Variants in PTPRT observed in about 807,000 individuals in gnomAD.
PTPRT encodes receptor-type tyrosine-protein phosphatase T.
PTPRT carries 56 observed loss-of-function variants against 176.8 expected under a neutral mutation model. The observed-to-expected ratio is 0.32, with a 90% CI of 0.26 to 0.40. The LOEUF (loss-of-function observed/expected upper bound fraction) is 0.40, where lower values mean the gene tolerates loss of function less well. PTPRT is among the 10% of genes least tolerant of loss of function. The pLI, the probability that PTPRT is intolerant of heterozygous loss-of-function variation, is 1.00. For synonymous variants in PTPRT, 783 were observed against 739.0 expected (o/e 1.06, Z -0.96); for missense variants, 1,540 against 1,908.2 (o/e 0.81, Z 3.60).
chr20:42,044,423 A>G, the PTPRT span, among the ~76,000 whole-genome samples: 1 of 152,350 alleles, frequency 6.6e-6, no homozygotes, highest in Middle Eastern at 3.4e-3. Flanking sequence ...GATTCCAGAC[A>G]CACACCAATC....
intron 18 of PTPRT, among the ~76,000 whole-genome samples, chr20:42,132,142 G>T (rs1487396489): frequency 6.6e-6 from 1 of 152,172 alleles, no homozygotes; most frequent in Non-Finnish European, 1.5e-5. Flanking sequence ...TTATTATGAT[G>T]TAACCAAAAT....
intron 1 of PTPRT, 138 bp from the exon 2 acceptor site, chr20:42,886,070 TAA>T: frequency 4.9e-5 from 19 of 384,696 alleles, no homozygotes; most frequent in Middle Eastern, 1.1e-3. Context: ...TATATATATA[TAA>T]AAGATGAGCA....
intron 9 of PTPRT, among the ~76,000 whole-genome samples, chr20:42,389,130 G>T (rs1055317767): frequency 7.5e-6 from 1 of 133,644 alleles, no homozygotes; most frequent in Non-Finnish European, 1.6e-5. Flanking sequence ...CTGTCGTGGG[G>T]TGAGGGGAGG....
chr20:42,436,936 C>T (rs1391608213), intron 9 of PTPRT, among the ~76,000 whole-genome samples: 1 of 152,152 alleles, frequency 6.6e-6, no homozygotes, highest in Non-Finnish European at 1.5e-5. Context: ...TTATACACAA[C>T]TTAAAATCCT....
intron 7 of PTPRT, among the ~76,000 whole-genome samples, chr20:42,628,166 C>T (rs1463064600): frequency 1.3e-5 from 2 of 152,170 alleles, no homozygotes; most frequent in African/African-American, 2.4e-5. Context: ...CCTCCACTTC[C>T]GTGGGGGATT....
At chr20:42,537,220 C>T (rs542592313) in intron 7 of PTPRT, among the ~76,000 whole-genome samples, 15 of 152,168 alleles carry the variant, frequency 9.9e-5, no homozygotes, top group African/African-American at 3.4e-4. Flanking sequence ...CAAATATATA[C>T]ATTACACTGT....
chr20:42,892,596 CGTGGCTGGAGATTAAG>C (rs1233666141), intron 1 of PTPRT, among the ~76,000 whole-genome samples: 1 of 152,086 alleles, frequency 6.6e-6, no homozygotes, highest in Non-Finnish European at 1.5e-5. Flanking sequence ...TTTTGATGAA[CGTGGCTGGAGATTAAG>C]GTGATCTGCC....
chr20:42,965,668 GAACTT>G (rs1323093185), intron 1 of PTPRT, among the ~76,000 whole-genome samples: 2 of 152,044 alleles, frequency 1.3e-5, no homozygotes, highest in African/African-American at 4.8e-5. Flanking sequence ...AAATATTACT[GAACTT>G]AACTGAGAGC....
intron 16 of PTPRT, among the ~76,000 whole-genome samples, chr20:42,169,143 T>C (rs1257242527): frequency 2.0e-5 from 3 of 152,204 alleles, no homozygotes; most frequent in African/African-American, 7.2e-5. Flanking sequence ...GTATCAACCA[T>C]ATAGCAGGGT....
intron 9 of PTPRT, among the ~76,000 whole-genome samples, chr20:42,416,082 G>T (rs1869777044): frequency 6.6e-6 from 1 of 152,148 alleles, no homozygotes; most frequent in South Asian, 2.1e-4. Context: ...TAGGCTCTTT[G>T]CTGATGTAAT....
rs752371452 is a variant in PTPRT at position 42,633,784 on chromosome 20, AATATATATATATATATATAT to A, written c.1153+44062_1153+44081del. 1.5e-4 allele frequency among the ~76,000 whole-genome samples: 8 copies of A among 53,382 alleles called. No homozygotes were observed. In the East Asian group the frequency reaches 3.2e-3, roughly 22 times the overall value. The allele number at this position is 53,382 out of a possible 152,430, so 35.0% of individuals were successfully genotyped here. On this transcript the variant is annotated intron_variant, in intron 7 of 30. Transcript: ENST00000373187. ...CTGGGCAACACAGCAAGACTCTGAA[AATATATATATATATATATAT>A]ATATATATATATATAATAAAATATT...
chr20:42,305,582 T>G (rs1164081349), intron 12 of PTPRT, among the ~76,000 whole-genome samples: 1 of 152,136 alleles, frequency 6.6e-6, no homozygotes, highest in Non-Finnish European at 1.5e-5. Flanking sequence ...ATAACTGAAT[T>G]GAGTATCAGT....
chr20:42,707,186 T>C (rs1275026953), intron 6 of PTPRT, among the ~76,000 whole-genome samples: 4 of 152,190 alleles, frequency 2.6e-5, no homozygotes, highest in African/African-American at 7.2e-5. Context: ...TTGTTGTTTT[T>C]TTTGCCACAC....
At chr20:43,004,181 A>G (rs1333072192) in intron 1 of PTPRT, among the ~76,000 whole-genome samples, 1 of 152,020 alleles carries the variant, frequency 6.6e-6, no homozygotes, top group African/African-American at 2.4e-5. Context: ...AAAAAAAAAA[A>G]AAAAAGACTA....
intron 7 of PTPRT, among the ~76,000 whole-genome samples, chr20:42,518,164 C>A (rs996162355): frequency 6.6e-6 from 1 of 151,880 alleles, no homozygotes; most frequent in African/African-American, 2.4e-5. Flanking sequence ...TGACTTTTGT[C>A]GGTATATTAA....
At chr20:42,640,332 T>C (rs1206134486) in intron 7 of PTPRT, among the ~76,000 whole-genome samples, 1 of 152,122 alleles carries the variant, frequency 6.6e-6, no homozygotes, top group African/African-American at 2.4e-5. Context: ...AGTGTAACAC[T>C]AGTTACCATT....
At chr20:42,487,556 T>TAG (rs57999716) in intron 7 of PTPRT, among the ~76,000 whole-genome samples, 2,164 of 152,288 alleles carry the variant, frequency 0.014, 53 homozygotes, top group South Asian at 0.093. Flanking sequence ...GGGCCCCATG[T>TAG]ACTCATAAGG....
At chr20:43,165,380 CT>C (rs1460470225) in intron 1 of PTPRT, among the ~76,000 whole-genome samples, 1 of 152,144 alleles carries the variant, frequency 6.6e-6, no homozygotes, top group Non-Finnish European at 1.5e-5. Context: ...TCAGGCTGGT[CT>C]TGAACTCCTG....
intron 13 of PTPRT, among the ~76,000 whole-genome samples, chr20:42,263,371 CTTTTTTTTTTT>C (rs11477690): frequency 7.8e-5 from 4 of 50,974 alleles, no homozygotes; most frequent in African/African-American, 4.3e-4. Flanking sequence ...CCATGCCTGG[CTTTTTTTTTTT>C]TTTTTTTTTT....
Sources: allele counts gnomAD v4.1 joint callset (sites outside exome capture counted in the v4.1 genomes callset), GRCh38; gene constraint gnomAD v4.1.1; transcripts MANE v1.5; gene names NCBI Gene and HGNC (gene_info 2026-07-23, HGNC 2026-07-21).